PTPRT: variants seen among roughly 807,000 people sequenced by gnomAD.
PTPRT encodes receptor-type tyrosine-protein phosphatase T.
PTPRT carries 56 observed loss-of-function variants against 176.8 expected under a neutral mutation model. The observed-to-expected ratio is 0.32, with a 90% CI of 0.26 to 0.40. The LOEUF is 0.40. Ranked by LOEUF, PTPRT falls within the 10% of genes least tolerant of loss-of-function variation. The probability of loss-of-function intolerance (pLI) is 1.00; values close to 1 mark genes in which losing one functional copy is unlikely to be tolerated. For synonymous variants in PTPRT, 783 were observed against 739.0 expected, an observed-to-expected ratio of 1.06 and a Z score of -0.96; for missense variants, 1,540 against 1,908.2, an observed-to-expected ratio of 0.81 and a Z score of 3.60.
At chr20:42,963,780 A>T (rs1165970522) in intron 1 of PTPRT, among the ~76,000 whole-genome samples, 1 of 152,196 alleles carries the variant, frequency 6.6e-6, no homozygotes, top group South Asian at 2.1e-4. Context: ...TCTGAAGACA[A>T]TTAAAAATAA....
At chr20:42,296,316 C>T (rs962062099) in intron 12 of PTPRT, among the ~76,000 whole-genome samples, 6 of 151,850 alleles carry the variant, frequency 4.0e-5, no homozygotes, top group Admixed American at 1.3e-4. Context: ...TGTGGTGGCA[C>T]GTGCCTGTAA....
intron 7 of PTPRT, among the ~76,000 whole-genome samples, chr20:42,528,200 T>G (rs1568952010): frequency 6.6e-6 from 1 of 152,134 alleles, no homozygotes; most frequent in African/African-American, 2.4e-5. Context: ...TCTCTCACAT[T>G]TTGCCTTTTC....
intron 15 of PTPRT, among the ~76,000 whole-genome samples, chr20:42,232,384 C>A (rs764305854): frequency 2.0e-5 from 3 of 152,184 alleles, no homozygotes; most frequent in African/African-American, 4.8e-5. Flanking sequence ...GAATCACCTG[C>A]GACCTTGTTA....
At chr20:42,800,076 A>G (rs1477676474) in intron 2 of PTPRT, among the ~76,000 whole-genome samples, 2 of 152,194 alleles carry the variant, frequency 1.3e-5, no homozygotes, top group Non-Finnish European at 2.9e-5. Flanking sequence ...GCCAACACAT[A>G]CCATCATGTT....
intron 27 of PTPRT, among the ~76,000 whole-genome samples, chr20:42,087,654 T>C (rs1984119315): frequency 6.6e-6 from 1 of 150,802 alleles, no homozygotes; most frequent in Non-Finnish European, 1.5e-5. Context: ...GGTGGGTGGA[T>C]CGTGAGGTCA....
chr20:42,719,529 G>A (rs2076274961), intron 6 of PTPRT, among the ~76,000 whole-genome samples: 1 of 152,086 alleles, frequency 6.6e-6, no homozygotes, highest in African/African-American at 2.4e-5. Context: ...CTATAGCCGT[G>A]GTCCTTGGGC....
At chr20:42,571,386 G>A (rs1229880019) in intron 7 of PTPRT, among the ~76,000 whole-genome samples, 2 of 152,144 alleles carry the variant, frequency 1.3e-5, no homozygotes, top group Admixed American at 1.3e-4. Flanking sequence ...TCCAGAAGCT[G>A]GAAAAGGCAA....
At chr20:42,825,184 A>AACACAATATGAATCACATATC (rs2077970950) in intron 2 of PTPRT, among the ~76,000 whole-genome samples, 4 of 152,114 alleles carry the variant, frequency 2.6e-5, no homozygotes, top group Admixed American at 6.6e-5. Flanking sequence ...TGAATCATAT[A>AACACAATATGAATCACATATC]ACACAATATG....
intron 7 of PTPRT, chr20:42,606,546 A>T (rs2073880174): frequency 6.6e-6 from 1 of 152,202 alleles, no homozygotes; most frequent in Non-Finnish European, 1.5e-5. Context: ...TCTGTCAGTG[A>T]ACTGCACATA....
intron 2 of PTPRT, among the ~76,000 whole-genome samples, chr20:42,816,446 G>A (rs2077787382): frequency 6.6e-6 from 1 of 152,176 alleles, no homozygotes; most frequent in African/African-American, 2.4e-5. Flanking sequence ...TAAACTGACT[G>A]ATATGGTTTG....
At chr20:42,343,932 C>G (rs1245962491) in intron 11 of PTPRT, among the ~76,000 whole-genome samples, 2 of 152,244 alleles carry the variant, frequency 1.3e-5, no homozygotes, top group Non-Finnish European at 2.9e-5. Context: ...CGGAGTCTCG[C>G]TCTGTCACCC....
intron 3 of PTPRT, among the ~76,000 whole-genome samples, chr20:42,790,175 T>C (rs1307694074): frequency 6.6e-6 from 1 of 151,846 alleles, no homozygotes; most frequent in Non-Finnish European, 1.5e-5. Flanking sequence ...ATTGCACACT[T>C]AAAATAGGTG....
chr20:42,166,008 G>C (rs1034433605), intron 16 of PTPRT, among the ~76,000 whole-genome samples: 3 of 152,158 alleles, frequency 2.0e-5, no homozygotes, highest in African/African-American at 7.2e-5. Context: ...AATTATTAAT[G>C]CTATATTTTT....
intron 1 of PTPRT, among the ~76,000 whole-genome samples, chr20:43,028,227 G>A (rs1189454031): frequency 6.6e-6 from 1 of 152,118 alleles, no homozygotes; most frequent in Non-Finnish European, 1.5e-5. Flanking sequence ...TCCAACATAT[G>A]GAGAGAGGCC....
chr20:42,696,601 A>G (rs1210652239), intron 6 of PTPRT, among the ~76,000 whole-genome samples: 1 of 151,822 alleles, frequency 6.6e-6, no homozygotes, highest in Non-Finnish European at 1.5e-5. Flanking sequence ...GACTACAGGC[A>G]CCTGCTACCA....
chr20:42,428,746 C>T (rs1261989826), intron 9 of PTPRT, among the ~76,000 whole-genome samples: 1 of 152,120 alleles, frequency 6.6e-6, no homozygotes, highest in Non-Finnish European at 1.5e-5. Context: ...CAACTCATCC[C>T]ATTTGTTTTT....
At chr20:42,383,419 CAA>C (rs5841460) in intron 9 of PTPRT, among the ~76,000 whole-genome samples, 38 of 147,822 alleles carry the variant, frequency 2.6e-4, no homozygotes, top group Middle Eastern at 3.4e-3. Context: ...CAGGGATAGA[CAA>C]AAAAAAAAAA....
chr20:42,408,605 G>GTTTT (rs200172599), intron 9 of PTPRT, among the ~76,000 whole-genome samples: 1 of 122,860 alleles, frequency 8.1e-6, no homozygotes. Context: ...TCTATCCTGT[G>GTTTT]TTTTTTTTTT....
At chr20:42,512,371 C>T (rs1179217323) in intron 7 of PTPRT, among the ~76,000 whole-genome samples, 5 of 152,126 alleles carry the variant, frequency 3.3e-5, no homozygotes, top group East Asian at 1.9e-4. Flanking sequence ...GAGAACATCA[C>T]GTAAGTGGAA....
Sources: gnomAD v4.1 joint callset for allele counts (sites outside exome capture counted in the v4.1 genomes callset) on GRCh38, gnomAD v4.1.1 for gene constraint, MANE v1.5 for transcripts, NCBI Gene and HGNC (gene_info 2026-07-23, HGNC 2026-07-21) for gene names.